Variants in MYO1D observed in about 807,000 individuals in gnomAD.
MYO1D encodes the protein myosin ID, also known as unconventional myosin-Id.
In MYO1D, 83 loss-of-function variants were observed where a neutral mutation model predicts 122.0. That is an observed-to-expected ratio of 0.68 (90% CI 0.57 to 0.82). The LOEUF (loss-of-function observed/expected upper bound fraction) is 0.82. Among genes scored for constraint, MYO1D ranks in the 40% least tolerant of loss-of-function variants. The pLI, the probability that MYO1D is intolerant of heterozygous loss-of-function variation, is 0.00. For synonymous variants in MYO1D, 464 were observed against 446.9 expected (o/e 1.04, Z -0.48); for missense variants, 1,157 against 1,269.5 (o/e 0.91, Z 1.35).
At chr17:32,774,835 T>A (rs1024631690) in intron 4 of MYO1D, among the ~76,000 whole-genome samples, 1 of 152,166 alleles carries the variant, frequency 6.6e-6, no homozygotes, top group Admixed American at 6.5e-5. Context: ...TATATGGCCA[T>A]AAAGGATGCT....
intron 17 of MYO1D, among the ~76,000 whole-genome samples, chr17:32,657,445 T>C (rs1163828686): frequency 6.6e-6 from 1 of 152,232 alleles, no homozygotes; most frequent in African/African-American, 2.4e-5. Context: ...AAGAAGAATA[T>C]GTGACAGAGA....
At chr17:32,710,478 A>G (rs1251235922) in intron 16 of MYO1D, among the ~76,000 whole-genome samples, 1 of 152,160 alleles carries the variant, frequency 6.6e-6, no homozygotes, top group Non-Finnish European at 1.5e-5. Flanking sequence ...GAAAGGTAAA[A>G]CCATACAGTT....
At chr17:32,526,741 C>G (rs535304303) in intron 21 of MYO1D, among the ~76,000 whole-genome samples, 3 of 152,320 alleles carry the variant, frequency 2.0e-5, no homozygotes, top group Admixed American at 1.3e-4. Flanking sequence ...CAGCCCCGAC[C>G]TCCTGAGCTC....
At chr17:32,854,307 G>A (rs2091011334) in intron 1 of MYO1D, among the ~76,000 whole-genome samples, 1 of 152,170 alleles carries the variant, frequency 6.6e-6, no homozygotes, top group African/African-American at 2.4e-5. Flanking sequence ...TGGCAGAGTA[G>A]ACTAGTAAAA....
intron 16 of MYO1D, among the ~76,000 whole-genome samples, chr17:32,694,161 TC>T (rs1252192125): frequency 6.6e-6 from 1 of 152,224 alleles, no homozygotes; most frequent in African/African-American, 2.4e-5. Flanking sequence ...CTTCTTAGTT[TC>T]TTCATTACGG....
chr17:32,523,480 A>G (rs1249113237), intron 21 of MYO1D: 1 of 152,220 alleles, frequency 6.6e-6, no homozygotes, highest in East Asian at 1.9e-4. Context: ...AATGTCACGA[A>G]TAGCGAAAGA....
intron 17 of MYO1D, among the ~76,000 whole-genome samples, chr17:32,658,181 C>A (rs2088503982): frequency 6.6e-6 from 1 of 152,048 alleles, no homozygotes; most frequent in African/African-American, 2.4e-5. Context: ...AAAGAGTTTT[C>A]TTCCATGCAT....
chr17:32,739,005 T>C (rs1166502316), intron 13 of MYO1D, among the ~76,000 whole-genome samples: 2 of 152,206 alleles, frequency 1.3e-5, no homozygotes, highest in South Asian at 2.1e-4. Flanking sequence ...ATTAGGACTG[T>C]TGCAATCCAA....
At chr17:32,522,134 CA>C (rs1910168589) in intron 21 of MYO1D, among the ~76,000 whole-genome samples, 1 of 145,816 alleles carries the variant, frequency 6.9e-6, no homozygotes, top group African/African-American at 2.5e-5. Context: ...TGAAATATTC[CA>C]AATATTCAGG....
At chr17:32,717,153 CA>C (rs2089458581) in intron 15 of MYO1D, among the ~76,000 whole-genome samples, 1 of 152,212 alleles carries the variant, frequency 6.6e-6, no homozygotes, top group Non-Finnish European at 1.5e-5. Flanking sequence ...TTGTCAGTTC[CA>C]GTGACTTCCT....
intron 8 of MYO1D, 48 bp from the exon 9 acceptor site, chr17:32,760,675 C>A (rs1346260888): frequency 1.0e-5 from 16 of 1,562,692 alleles, no homozygotes; most frequent in African/African-American, 2.7e-5. Flanking sequence ...GGGAATGAGT[C>A]CTCTGTTTGG....
At chr17:32,549,095 TTTTG>T (rs2086989390) in intron 21 of MYO1D, among the ~76,000 whole-genome samples, 1 of 152,088 alleles carries the variant, frequency 6.6e-6, no homozygotes, top group South Asian at 2.1e-4. Context: ...GCATAATCCT[TTTTG>T]TTTGTTTGTT....
At chr17:32,539,257 C>T (rs1039516221) in intron 21 of MYO1D, among the ~76,000 whole-genome samples, 3 of 145,092 alleles carry the variant, frequency 2.1e-5, no homozygotes, top group African/African-American at 7.7e-5. Flanking sequence ...GCCGAGGTGA[C>T]GTAGGAAGAC....
At chr17:32,677,438 T>C (rs2088828940) in intron 16 of MYO1D, among the ~76,000 whole-genome samples, 1 of 151,936 alleles carries the variant, frequency 6.6e-6, no homozygotes, top group Non-Finnish European at 1.5e-5. Flanking sequence ...GCAGGAGAAA[T>C]GTTCCATGTG....
intron 1 of MYO1D, among the ~76,000 whole-genome samples, chr17:32,823,319 C>T (rs183998965): frequency 1.3e-5 from 2 of 152,234 alleles, no homozygotes; most frequent in East Asian, 3.9e-4. Context: ...TGACACTACG[C>T]AGCTACAAGA....
chr17:32,533,828 T>C (rs935201689), intron 21 of MYO1D, among the ~76,000 whole-genome samples: 2 of 152,162 alleles, frequency 1.3e-5, no homozygotes, highest in South Asian at 4.1e-4. Context: ...CCTAAAAAAA[T>C]ATGAAGTGTT....
At chr17:32,759,090 C>A (rs1056197883) in intron 10 of MYO1D, among the ~76,000 whole-genome samples, 1 of 152,070 alleles carries the variant, frequency 6.6e-6, no homozygotes. Flanking sequence ...TTATATTATA[C>A]AACAGTTTCA....
intron 20 of MYO1D, among the ~76,000 whole-genome samples, chr17:32,630,993 A>G (rs1363503882): frequency 1.3e-5 from 2 of 152,164 alleles, no homozygotes; most frequent in South Asian, 2.1e-4. Context: ...GACACCAGTC[A>G]TACTGGATTA....
At position 32,863,613 on chromosome 17, in the gene MYO1D, T is replaced by C. The variant is rs73984821; in HGVS notation, c.95+13165A>G. ...AGTGTGGAACAAAACATTACAAATA[T>C]GACAGTAAATACCAAGGACATGAAA... On this transcript the variant is annotated intron_variant, in intron 1 of 21. Coordinates refer to ENST00000318217, the MANE Select transcript of MYO1D (RefSeq NM_015194.3). 9.9e-3 allele frequency among the ~76,000 whole-genome samples: 1,512 copies of C among 152,348 alleles called. 16 individuals carry two copies. Among genetic ancestry groups the C allele is most frequent in the African/African-American group, 0.034 (1,401 of 41,572 alleles).
Sources: allele counts gnomAD v4.1 joint callset (sites outside exome capture counted in the v4.1 genomes callset), GRCh38; gene constraint gnomAD v4.1.1; transcripts MANE v1.5; gene names NCBI Gene and HGNC (gene_info 2026-07-23, HGNC 2026-07-21).